PPP2R2B: variants seen among roughly 807,000 people sequenced by gnomAD.
The protein encoded by PPP2R2B is serine/threonine-protein phosphatase 2A 55 kDa regulatory subunit B beta isoform.
In PPP2R2B, 5 loss-of-function variants were observed where a neutral mutation model predicts 46.0. The observed-to-expected ratio is 0.11, with a 90% CI of 0.06 to 0.23. PPP2R2B has a LOEUF of 0.23. Ranked by LOEUF, PPP2R2B falls within the 10% of genes least tolerant of loss-of-function variation. The pLI is 1.00. For missense variants in PPP2R2B, 367 were observed against 575.0 expected (o/e 0.64, Z 3.70); for synonymous variants, 215 against 206.7 (o/e 1.04, Z -0.34).
At chr5:147,000,189 C>A (rs1165958243) in intron 1 of PPP2R2B, among the ~76,000 whole-genome samples, 1 of 152,130 alleles carries the variant, frequency 6.6e-6, no homozygotes, top group East Asian at 1.9e-4. Context: ...TTTGATTCTT[C>A]TAAATATGGC....
chr5:147,025,286 TC>T (rs1755473003), intron 1 of PPP2R2B, among the ~76,000 whole-genome samples: 1 of 151,954 alleles, frequency 6.6e-6, no homozygotes. Context: ...TAATAAAAAA[TC>T]ATCCCCAAAA....
rs748017040 is a variant in PPP2R2B at position 146,973,325 on chromosome 5, A to C, written c.79+82340T>G. On this transcript the variant is annotated intron_variant, in intron 1 of 8. Transcript: ENST00000336640. Reference sequence around the variant, plus strand: ...CATGTTCTTTCCATAGAGACAGATAAAGCAAAACAACATAAACTCTCATAT... The same window carrying C: ...CATGTTCTTTCCATAGAGACAGATACAGCAAAACAACATAAACTCTCATAT... Among the ~76,000 whole-genome samples, 5 of 152,226 alleles carry C rather than the reference A, an allele frequency of 3.3e-5. No individual in the cohort carries two copies. In the South Asian group the frequency reaches 1.0e-3, roughly 32 times the overall value.
At chr5:146,953,897 TAG>T (rs1751750874) in intron 1 of PPP2R2B, among the ~76,000 whole-genome samples, 1 of 152,106 alleles carries the variant, frequency 6.6e-6, no homozygotes, top group Admixed American at 6.6e-5. Flanking sequence ...AGAAAATGGG[TAG>T]AGATGCATGA....
chr5:146,953,269 A>G (rs1386006531), intron 1 of PPP2R2B, among the ~76,000 whole-genome samples: 1 of 152,222 alleles, frequency 6.6e-6, no homozygotes, highest in African/African-American at 2.4e-5. Flanking sequence ...TTCAAAATAC[A>G]TACACATATA....
intron 1 of PPP2R2B, among the ~76,000 whole-genome samples, chr5:147,024,900 A>G (rs1297960326): frequency 1.3e-5 from 2 of 152,144 alleles, no homozygotes; most frequent in Non-Finnish European, 2.9e-5. Flanking sequence ...TTCTACCACC[A>G]TAAGAATACG....
At chr5:146,922,681 T>C (rs1355127866) in intron 1 of PPP2R2B, 1 of 152,216 alleles carries the variant, frequency 6.6e-6, no homozygotes, top group African/African-American at 2.4e-5. Context: ...TTTACCCATA[T>C]AGCCCATGTG....
At position 147,012,184 on chromosome 5, in the gene PPP2R2B, T is replaced by A. The variant is rs956619570; in HGVS notation, c.79+43481A>T. 3.8e-4 allele frequency among the ~76,000 whole-genome samples: 58 copies of A among 151,978 alleles called. 2 individuals are homozygous for A. Among genetic ancestry groups the A allele is most frequent in the Non-Finnish European group, 7.4e-4 (50 of 67,974 alleles). Reference sequence around the variant, plus strand: ...GTTCCTCCTTGTACCTCTGGTAGAATTCAGCTGTGAATTCATCTGGTCCTG... The same window carrying A: ...GTTCCTCCTTGTACCTCTGGTAGAAATCAGCTGTGAATTCATCTGGTCCTG... On this transcript the variant is annotated intron_variant, in intron 1 of 8. Transcript: ENST00000336640.
At chr5:146,792,035 T>C (rs533323052) in intron 2 of PPP2R2B, among the ~76,000 whole-genome samples, 26 of 152,208 alleles carry the variant, frequency 1.7e-4, no homozygotes, top group African/African-American at 6.0e-4. Flanking sequence ...CCTAAGGATT[T>C]AAGGAGATGT....
chr5:146,964,407 A>G (rs1260294757), intron 1 of PPP2R2B, among the ~76,000 whole-genome samples: 1 of 152,058 alleles, frequency 6.6e-6, no homozygotes, highest in Non-Finnish European at 1.5e-5. Flanking sequence ...AAATAGTTTG[A>G]CTTGGTGCTT....
At chr5:146,742,963 G>A (rs1302930066) in intron 2 of PPP2R2B, among the ~76,000 whole-genome samples, 1 of 152,150 alleles carries the variant, frequency 6.6e-6, no homozygotes, top group Non-Finnish European at 1.5e-5. Flanking sequence ...AGAGGGGCCT[G>A]GAACTGTTTC....
chr5:146,675,318 A>G (rs189616032), intron 5 of PPP2R2B, among the ~76,000 whole-genome samples: 1 of 152,108 alleles, frequency 6.6e-6, no homozygotes. Flanking sequence ...TGCCCAAACA[A>G]CTTAAGCTTT....
intron 1 of PPP2R2B, among the ~76,000 whole-genome samples, chr5:146,986,214 GGA>G (rs148140397): frequency 2.0e-5 from 3 of 152,026 alleles, no homozygotes; most frequent in Non-Finnish European, 2.9e-5. Flanking sequence ...TATCAGTTTG[GGA>G]GAGAGAGAGA....
intron 4 of PPP2R2B, among the ~76,000 whole-genome samples, chr5:146,694,222 C>T (rs140282523): frequency 6.6e-6 from 1 of 152,184 alleles, no homozygotes; most frequent in African/African-American, 2.4e-5. Context: ...ACTGGCAAGG[C>T]TGCTAAGTGT....
chr5:146,750,328 TAA>T (rs1753478032), intron 2 of PPP2R2B, among the ~76,000 whole-genome samples: 1 of 152,254 alleles, frequency 6.6e-6, no homozygotes. Context: ...TCTGTATTTA[TAA>T]AAATCTTGGT....
intron 5 of PPP2R2B, among the ~76,000 whole-genome samples, chr5:146,670,483 A>ATTTATTTG (rs1777275295): frequency 2.0e-5 from 3 of 147,512 alleles, no homozygotes; most frequent in Non-Finnish European, 4.5e-5. Flanking sequence ...ACTATTATTT[A>ATTTATTTG]TTTATTTATT....
chr5:146,643,614 G>A (rs1775374150), intron 6 of PPP2R2B, among the ~76,000 whole-genome samples: 1 of 152,112 alleles, frequency 6.6e-6, no homozygotes, highest in South Asian at 2.1e-4. Context: ...GGAGGTGAGG[G>A]ATAAAAGACT....
chr5:146,734,277 G>A (rs1470887567), intron 2 of PPP2R2B, among the ~76,000 whole-genome samples: 1 of 151,982 alleles, frequency 6.6e-6, no homozygotes, highest in Non-Finnish European at 1.5e-5. Context: ...GGCTGGTCTT[G>A]AACTCCCGGG....
intron 1 of PPP2R2B, chr5:147,035,207 T>C (rs777089853): frequency 9.5e-5 from 42 of 442,268 alleles, no homozygotes; most frequent in Non-Finnish European, 1.6e-4. Context: ...AAACTTACAA[T>C]CATGGCAGAA....
chr5:147,023,461 C>G (rs546663135), intron 1 of PPP2R2B, among the ~76,000 whole-genome samples: 26 of 152,206 alleles, frequency 1.7e-4, no homozygotes, highest in African/African-American at 6.0e-4. Flanking sequence ...GATAAAAATG[C>G]AAGACCCAAC....
Sources: gnomAD v4.1 joint callset for allele counts (sites outside exome capture counted in the v4.1 genomes callset) on GRCh38, gnomAD v4.1.1 for gene constraint, MANE v1.5 for transcripts, NCBI Gene and HGNC (gene_info 2026-07-23, HGNC 2026-07-21) for gene names.